Variants in KCNH1 observed in about 807,000 individuals in gnomAD.
KCNH1 encodes the protein voltage-gated delayed rectifier potassium channel KCNH1.
Under a neutral mutation model 69.2 loss-of-function variants are expected in KCNH1, and 27 were observed. The ratio of observed to expected loss-of-function variants is 0.39; its 90% CI spans 0.29 to 0.54. KCNH1 has a LOEUF of 0.54. Among genes scored for constraint, KCNH1 ranks in the 20% least tolerant of loss-of-function variants. The probability of loss-of-function intolerance (pLI) is 0.68; values close to 1 mark genes in which losing one functional copy is unlikely to be tolerated. For missense variants in KCNH1, 798 were observed against 1,261.6 expected (o/e 0.63, Z 5.57); for synonymous variants, 456 against 487.7 (o/e 0.93, Z 0.86).
intron 7 of KCNH1, among the ~76,000 whole-genome samples, chr1:210,849,313 C>T (rs141410796): frequency 9.9e-5 from 15 of 151,446 alleles, no homozygotes; most frequent in African/African-American, 3.6e-4. Flanking sequence ...TTTGTCAAAC[C>T]ATGGTTTTAA....
At chr1:211,032,613 C>G (rs1198996125) in intron 5 of KCNH1, among the ~76,000 whole-genome samples, 1 of 152,136 alleles carries the variant, frequency 6.6e-6, no homozygotes, top group Non-Finnish European at 1.5e-5. Context: ...TGCCACATAT[C>G]TACAACTATC....
intron 7 of KCNH1, among the ~76,000 whole-genome samples, chr1:210,874,834 C>T (rs1399438335): frequency 6.6e-6 from 1 of 152,038 alleles, no homozygotes; most frequent in Non-Finnish European, 1.5e-5. Flanking sequence ...AACTCATATA[C>T]CCCTAACATA....
At chr1:210,952,011 G>A (rs531020358) in intron 6 of KCNH1, among the ~76,000 whole-genome samples, 183 of 152,144 alleles carry the variant, frequency 1.2e-3, no homozygotes, top group African/African-American at 4.1e-3. Context: ...GGACACTTGC[G>A]CGGGGTACAC....
chr1:210,781,542 A>G (rs1348787151), intron 9 of KCNH1, among the ~76,000 whole-genome samples: 1 of 151,996 alleles, frequency 6.6e-6, no homozygotes, highest in Non-Finnish European at 1.5e-5. Context: ...CTGGCCCTAG[A>G]AAAAAACTCC....
chr1:210,802,053 C>A (rs1007395263), intron 8 of KCNH1, among the ~76,000 whole-genome samples: 2 of 152,176 alleles, frequency 1.3e-5, no homozygotes, highest in Non-Finnish European at 2.9e-5. Context: ...CTTGTGCTTA[C>A]CCCCTTCAAG....
chr1:210,907,856 C>G (rs997388851), intron 7 of KCNH1, among the ~76,000 whole-genome samples: 3 of 152,152 alleles, frequency 2.0e-5, no homozygotes, highest in Admixed American at 2.0e-4. Context: ...CCAGAGTTGC[C>G]AAGAGACATT....
At chr1:211,085,696 ACAGCTAAT>A (rs1462813219) in intron 4 of KCNH1, among the ~76,000 whole-genome samples, 2 of 152,202 alleles carry the variant, frequency 1.3e-5, no homozygotes, top group East Asian at 3.8e-4. Context: ...GACTGGGGTG[ACAGCTAAT>A]CAATGAGATT....
intron 6 of KCNH1, among the ~76,000 whole-genome samples, chr1:210,925,572 C>A (rs1015064877): frequency 6.6e-6 from 1 of 152,144 alleles, no homozygotes; most frequent in African/African-American, 2.4e-5. Flanking sequence ...CAGAGGGCTG[C>A]GTGGGAGCAG....
At chr1:210,728,515 C>T (rs534191529) in intron 10 of KCNH1, among the ~76,000 whole-genome samples, 1 of 152,200 alleles carries the variant, frequency 6.6e-6, no homozygotes, top group Non-Finnish European at 1.5e-5. Context: ...GCCTTGATGA[C>T]ATGGAAATCT....
intron 7 of KCNH1, among the ~76,000 whole-genome samples, chr1:210,823,757 C>A (rs2102429510): frequency 6.6e-6 from 1 of 152,124 alleles, no homozygotes. Context: ...AGTAAATTCC[C>A]CCAAATCACA....
chr1:210,854,594 C>T (rs957711451), intron 7 of KCNH1, among the ~76,000 whole-genome samples: 5 of 152,108 alleles, frequency 3.3e-5, no homozygotes, highest in African/African-American at 1.2e-4. Context: ...GGTAGCTGTC[C>T]ACAAGTTACA....
At chr1:210,878,640 T>C (rs535278555) in intron 7 of KCNH1, among the ~76,000 whole-genome samples, 32 of 152,010 alleles carry the variant, frequency 2.1e-4, no homozygotes, top group African/African-American at 7.5e-4. Context: ...ATACAGTGCA[T>C]AGAGGAAAAT....
intron 7 of KCNH1, among the ~76,000 whole-genome samples, chr1:210,829,565 C>G (rs1685115009): frequency 6.6e-6 from 1 of 152,164 alleles, no homozygotes. Context: ...CCTGCTATCT[C>G]TCTAAGACCA....
chr1:210,890,843 A>G (rs192348174), intron 7 of KCNH1, among the ~76,000 whole-genome samples: 4 of 152,382 alleles, frequency 2.6e-5, no homozygotes, highest in Non-Finnish European at 5.9e-5. Flanking sequence ...ACAATGAGAT[A>G]CCATCCCACA....
intron 6 of KCNH1, among the ~76,000 whole-genome samples, chr1:210,962,321 A>T (rs1688310144): frequency 6.6e-6 from 1 of 152,056 alleles, no homozygotes; most frequent in African/African-American, 2.4e-5. Flanking sequence ...CTGTCATTTC[A>T]TATATCTTTT....
chr1:210,999,891 T>C (rs1037224753), intron 6 of KCNH1, among the ~76,000 whole-genome samples: 7 of 152,120 alleles, frequency 4.6e-5, no homozygotes, highest in African/African-American at 1.4e-4. Flanking sequence ...ATCCAGCATA[T>C]AAACAGAACC....
At chr1:210,926,264 A>AACACAC (rs141650911) in intron 6 of KCNH1, among the ~76,000 whole-genome samples, 90 of 148,914 alleles carry the variant, frequency 6.0e-4, no homozygotes, top group South Asian at 1.9e-3. Context: ...ACTCCATCTA[A>AACACAC]ACACACACAC....
intron 6 of KCNH1, among the ~76,000 whole-genome samples, chr1:210,935,047 T>C (rs1185499213): frequency 1.3e-5 from 2 of 151,714 alleles, no homozygotes; most frequent in African/African-American, 2.4e-5. Flanking sequence ...ATGTTTACTA[T>C]AGCACTGTTC....
chr1:211,057,107 A>T (rs1441134854), intron 5 of KCNH1, among the ~76,000 whole-genome samples: 1 of 152,220 alleles, frequency 6.6e-6, no homozygotes, highest in Non-Finnish European at 1.5e-5. Context: ...ATACCTACTG[A>T]GGAAACTCAA....
Sources: gnomAD v4.1 joint callset for allele counts (sites outside exome capture counted in the v4.1 genomes callset) on GRCh38, gnomAD v4.1.1 for gene constraint, MANE v1.5 for transcripts, NCBI Gene and HGNC (gene_info 2026-07-23, HGNC 2026-07-21) for gene names.